The following RBFOX1 variants were observed in gnomAD, a reference collection of about 807,000 sequenced individuals.
RBFOX1 encodes the protein RNA binding protein fox-1 homolog 1.
A neutral mutation model predicts 57.7 loss-of-function variants in RBFOX1; 8 were observed. The ratio of observed to expected loss-of-function variants is 0.14; its 90% confidence interval spans 0.08 to 0.25. RBFOX1 has a LOEUF of 0.25. RBFOX1 is among the 10% of genes least tolerant of loss of function. The probability of loss-of-function intolerance (pLI) is 1.00; values close to 1 mark genes in which losing one functional copy is unlikely to be tolerated. For missense variants in RBFOX1, 611 were observed against 548.5 expected, an observed-to-expected ratio of 1.11 and a Z score of -1.14; for synonymous variants, 326 against 222.4, an observed-to-expected ratio of 1.47 and a Z score of -4.15.
intron 3 of RBFOX1, among the ~76,000 whole-genome samples, chr16:5,651,602 C>A (rs538949280): frequency 6.6e-6 from 1 of 152,102 alleles, no homozygotes; most frequent in East Asian, 1.9e-4. Flanking sequence ...CTGTGTGTGA[C>A]CTTGTCAGTC....
chr16:6,161,512 G>A (rs760814002), intron 1 of RBFOX1, among the ~76,000 whole-genome samples: 3 of 152,112 alleles, frequency 2.0e-5, no homozygotes, highest in African/African-American at 4.8e-5. Context: ...GTTTTGTCCT[G>A]CAGAGAAAAC....
intron 2 of RBFOX1, among the ~76,000 whole-genome samples, chr16:6,474,095 A>G (rs576806311): frequency 1.7e-4 from 26 of 152,056 alleles, no homozygotes; most frequent in African/African-American, 5.8e-4. Context: ...CTCTTTTTCT[A>G]TATGGTCTTG....
chr16:5,439,531 A>G (rs1205769630), intron 1 of RBFOX1, among the ~76,000 whole-genome samples: 1 of 152,128 alleles, frequency 6.6e-6, no homozygotes, highest in Non-Finnish European at 1.5e-5. Context: ...GGTATCTCGT[A>G]GGTAGAACCG....
chr16:7,296,049 T>G (rs1225934965), intron 4 of RBFOX1, among the ~76,000 whole-genome samples: 1 of 152,070 alleles, frequency 6.6e-6, no homozygotes, highest in Admixed American at 6.6e-5. Context: ...TTGTTGATAC[T>G]TGTTGTGCCA....
Position 6,134,821 on chromosome 16 carries a change from T to A in RBFOX1, c.-127+114829T>A, listed in dbSNP as rs139812008. The stretch of plus-strand genomic sequence containing the variant: ...TTTCTTATGTGAGGGGTCCATTCTC[T>A]AGCATCTTACCCCAGGCAGGCCATT... On this transcript the variant is annotated intron_variant, in intron 1 of 15. Coordinates refer to ENST00000550418, the MANE Select transcript of RBFOX1 (RefSeq NM_018723.4). 3.0e-3 allele frequency among the ~76,000 whole-genome samples: 444 copies of A among 149,354 alleles called. 3 individuals are homozygous for A. Among genetic ancestry groups the A allele is most frequent in the African/African-American group, 0.01 (410 of 40,192 alleles).
intron 1 of RBFOX1, among the ~76,000 whole-genome samples, chr16:5,336,893 G>C (rs938759): frequency 1 from 152,274 of 152,352 alleles, 76,098 homozygotes; most frequent in Non-Finnish European, 1. Flanking sequence ...TTGTATGTTC[G>C]TCTCCCACTG....
chr16:6,355,994 A>G (rs1274683640), intron 2 of RBFOX1, among the ~76,000 whole-genome samples: 3 of 152,218 alleles, frequency 2.0e-5, no homozygotes, highest in African/African-American at 7.2e-5. Flanking sequence ...AGCAATTTAA[A>G]CAGCAGAAGA....
At chr16:6,121,050 G>A (rs1435768736) in intron 1 of RBFOX1, among the ~76,000 whole-genome samples, 1 of 152,166 alleles carries the variant, frequency 6.6e-6, no homozygotes, top group Non-Finnish European at 1.5e-5. Flanking sequence ...ATTTATTCAT[G>A]TGTGTCCTAA....
intron 4 of RBFOX1, among the ~76,000 whole-genome samples, chr16:7,456,581 T>C (rs954236406): frequency 6.6e-6 from 1 of 152,186 alleles, no homozygotes; most frequent in Non-Finnish European, 1.5e-5. Flanking sequence ...TCATTTCAAA[T>C]TGATTTTAAG....
At chr16:5,746,529 C>T (rs2052988711) in intron 3 of RBFOX1, among the ~76,000 whole-genome samples, 1 of 152,202 alleles carries the variant, frequency 6.6e-6, no homozygotes, top group Non-Finnish European at 1.5e-5. Context: ...TTACCTTGGG[C>T]AGTATGGCCA....
At chr16:5,432,537 G>GTTTTT (rs796803782) in intron 1 of RBFOX1, among the ~76,000 whole-genome samples, 2 of 109,494 alleles carry the variant, frequency 1.8e-5, no homozygotes, top group African/African-American at 6.5e-5. Flanking sequence ...CAACTGGGGA[G>GTTTTT]TTTTTTTTTT....
Position 6,689,573 on chromosome 16 carries a change from T to C in RBFOX1, c.-16+34923T>C, listed in dbSNP as rs189880497. ...ATCTTTCCTGTAAGGTGCCTCAGCC[T>C]GTCTATGACAATGTCTACTATAAAC... On this transcript the variant is annotated intron_variant, in intron 3 of 15. Coordinates refer to ENST00000550418, the MANE Select transcript of RBFOX1 (RefSeq NM_018723.4). 8.5e-5 allele frequency among the ~76,000 whole-genome samples: 13 copies of C among 152,330 alleles called. 1 individual carries two copies. Among genetic ancestry groups the C allele is most frequent in the African/African-American group, 2.4e-4 (10 of 41,592 alleles).
intron 1 of RBFOX1, among the ~76,000 whole-genome samples, chr16:6,024,582 G>T (rs1206314703): frequency 6.6e-6 from 1 of 152,238 alleles, no homozygotes; most frequent in East Asian, 1.9e-4. Flanking sequence ...TCCACCTCCT[G>T]GGTACAAGTG....
At chr16:6,406,679 T>C (rs938045907) in intron 2 of RBFOX1, among the ~76,000 whole-genome samples, 5 of 152,082 alleles carry the variant, frequency 3.3e-5, no homozygotes, top group Non-Finnish European at 2.9e-5. Context: ...GGTCAATTTT[T>C]GGATAAGTCT....
chr16:7,464,082 A>G (rs1269090343), intron 4 of RBFOX1, among the ~76,000 whole-genome samples: 1 of 152,176 alleles, frequency 6.6e-6, no homozygotes, highest in East Asian at 1.9e-4. Flanking sequence ...TATCTATGCC[A>G]TCTTTATGAT....
At chr16:5,763,148 G>T (rs1293246083) in intron 3 of RBFOX1, among the ~76,000 whole-genome samples, 3 of 152,158 alleles carry the variant, frequency 2.0e-5, no homozygotes, top group East Asian at 1.9e-4. Context: ...AGAATGTGGG[G>T]CATCTGGCTG....
At chr16:6,492,119 T>TGA (rs887679142) in intron 2 of RBFOX1, among the ~76,000 whole-genome samples, 51 of 151,516 alleles carry the variant, frequency 3.4e-4, no homozygotes, top group Non-Finnish European at 6.3e-4. Context: ...TATATGAAAG[T>TGA]GTGTGTGTGT....
At chr16:7,349,180 A>G (rs2097079758) in intron 4 of RBFOX1, among the ~76,000 whole-genome samples, 1 of 152,140 alleles carries the variant, frequency 6.6e-6, no homozygotes, top group South Asian at 2.1e-4. Flanking sequence ...TCATTTTAGG[A>G]CTAAAACTTG....
intron 4 of RBFOX1, among the ~76,000 whole-genome samples, chr16:5,955,721 T>C (rs1390165231): frequency 6.6e-6 from 1 of 152,152 alleles, no homozygotes; most frequent in Admixed American, 6.5e-5. Flanking sequence ...AAATTAAGCT[T>C]ACAGATATTT....
Sources: gnomAD v4.1 joint callset for allele counts (sites outside exome capture counted in the v4.1 genomes callset) on GRCh38, gnomAD v4.1.1 for gene constraint, MANE v1.5 for transcripts, NCBI Gene and HGNC (gene_info 2026-07-23, HGNC 2026-07-21) for gene names.